SH3RF1: variants seen among roughly 807,000 people sequenced by gnomAD.
The protein encoded by SH3RF1 is SH3 domain containing ring finger 1, also known as E3 ubiquitin-protein ligase SH3RF1.
A neutral mutation model predicts 74.0 loss-of-function variants in SH3RF1; 32 were observed. That is an observed-to-expected ratio of 0.43 (90% CI 0.33 to 0.58). The LOEUF (loss-of-function observed/expected upper bound fraction) is 0.58. Among genes scored for constraint, SH3RF1 ranks in the 20% least tolerant of loss-of-function variants. The pLI, the probability that SH3RF1 is intolerant of heterozygous loss-of-function variation, is 0.05. For missense variants in SH3RF1, 954 were observed against 1,130.9 expected (o/e 0.84, Z 2.24); for synonymous variants, 396 against 439.6 (o/e 0.90, Z 1.24).
At chr4:169,154,349 T>A (rs573627065) in intron 4 of SH3RF1, among the ~76,000 whole-genome samples, 2 of 152,314 alleles carry the variant, frequency 1.3e-5, no homozygotes, top group East Asian at 3.9e-4. Flanking sequence ...ACGTTGGCAA[T>A]CTCACTCTCT....
At chr4:169,114,226 TC>T (rs1266526707) in intron 10 of SH3RF1, among the ~76,000 whole-genome samples, 1 of 152,146 alleles carries the variant, frequency 6.6e-6, no homozygotes, top group Non-Finnish European at 1.5e-5. Flanking sequence ...AAGAATCTGT[TC>T]CCTTGTCTTT....
chr4:169,229,672 T>C (rs1730703533), intron 2 of SH3RF1, among the ~76,000 whole-genome samples: 1 of 152,180 alleles, frequency 6.6e-6, no homozygotes, highest in Admixed American at 6.5e-5. Flanking sequence ...AATACTAATG[T>C]AGAGCATATC....
chr4:169,144,013 A>G (rs1375323024), intron 4 of SH3RF1, among the ~76,000 whole-genome samples: 1 of 152,200 alleles, frequency 6.6e-6, no homozygotes, highest in East Asian at 1.9e-4. Flanking sequence ...TTTAGGTTAG[A>G]GTTAGGTCTT....
chr4:169,248,782 G>C (rs904908668), intron 2 of SH3RF1, among the ~76,000 whole-genome samples: 4 of 152,184 alleles, frequency 2.6e-5, no homozygotes, highest in African/African-American at 7.2e-5. Flanking sequence ...AGACAACAAA[G>C]GCTACTCCAG....
rs1401307090 is a variant in SH3RF1 at position 169,156,592 on chromosome 4, T to C, written c.481A>G (p.Ile161Val). ...TCATCCACTTGTCTTCGCAAAATGA[T>C]GATGTCACCTTTGCTGAATTTAAGG... ...GDLKFSKGDI[I>V]ILRRQVDENW... The change falls in exon 3 of 12, where the codon ATC (isoleucine) becomes GTC (valine). Residue 161 changes from isoleucine (I) to valine (V), a missense_variant. Physicochemically the swap from Ile to Val is conservative, Grantham distance 29 (BLOSUM62 3). This residue lies in a region of SH3RF1 where 854 missense variants were observed against 962.5 expected (regional missense o/e 0.89). Coordinates refer to ENST00000284637, the MANE Select transcript of SH3RF1 (RefSeq NM_020870.4). 1 of 1,614,096 alleles carries C rather than the reference T, an allele frequency of 6.2e-7. No homozygotes were observed.
chr4:169,197,254 A>G (rs1579131944), intron 2 of SH3RF1, among the ~76,000 whole-genome samples: 4 of 152,140 alleles, frequency 2.6e-5, no homozygotes, highest in East Asian at 1.9e-4. Flanking sequence ...CACGTGCCTC[A>G]GCCACCCAAA....
chr4:169,133,821 CAT>C (rs1412668697), intron 5 of SH3RF1, among the ~76,000 whole-genome samples: 1 of 152,020 alleles, frequency 6.6e-6, no homozygotes, highest in African/African-American at 2.4e-5. Context: ...CAAAGGTTAA[CAT>C]GTGTAAGGAA....
intron 6 of SH3RF1, among the ~76,000 whole-genome samples, chr4:169,123,333 A>C (rs1409333760): frequency 1.3e-5 from 2 of 152,226 alleles, no homozygotes; most frequent in African/African-American, 4.8e-5. Flanking sequence ...AAACATAACG[A>C]ACTGAGTGGA....
At chr4:169,241,997 A>C (rs182786955) in intron 2 of SH3RF1, among the ~76,000 whole-genome samples, 91 of 152,350 alleles carry the variant, frequency 6.0e-4, no homozygotes, top group Non-Finnish European at 9.8e-4. Context: ...GATTTTAAAC[A>C]AAATCTGAAA....
At chr4:169,130,690 G>A (rs536227418) in intron 5 of SH3RF1, among the ~76,000 whole-genome samples, 4 of 152,226 alleles carry the variant, frequency 2.6e-5, no homozygotes, top group Admixed American at 2.0e-4. Flanking sequence ...TGCTTAGAGC[G>A]GGCAATTACT....
In SH3RF1 at chr4:169,120,839, A is replaced by T. The variant is rs1733424724; in HGVS notation, c.1497T>A (p.Asn499Lys). 1.2e-6 allele frequency: 2 copies of T among 1,614,174 alleles called. No homozygotes were observed. Among genetic ancestry groups the T allele is most frequent in the Non-Finnish European group, 1.7e-6 (2 of 1,180,034 alleles). Residue 499 changes from asparagine (N) to lysine (K), a missense_variant, in exon 8 of 12, where the codon AAT becomes AAA. Coordinates refer to ENST00000284637, the MANE Select transcript of SH3RF1 (RefSeq NM_020870.4). ...CATACCTTGTGACTGGTGCCACATA[A>T]TTGCCAGGGAAAACCCCTATCTTGC... is the stretch of plus-strand genomic sequence containing the variant. The part of the protein sequence containing the change: ...HTSKIGVFPG[N>K]YVAPVTRAVT...
intron 2 of SH3RF1, among the ~76,000 whole-genome samples, chr4:169,209,971 T>G (rs1730331404): frequency 6.6e-6 from 1 of 151,976 alleles, no homozygotes; most frequent in African/African-American, 2.4e-5. Flanking sequence ...TGTATTTGTG[T>G]TTTTTTGTAG....
At chr4:169,259,988 T>C (rs1264593465) in intron 2 of SH3RF1, among the ~76,000 whole-genome samples, 1 of 152,230 alleles carries the variant, frequency 6.6e-6, no homozygotes, top group African/African-American at 2.4e-5. Context: ...GTCTTGGGTT[T>C]GCTTAAACTA....
chr4:169,165,933 C>T (rs1246117400), intron 2 of SH3RF1, among the ~76,000 whole-genome samples: 4 of 151,980 alleles, frequency 2.6e-5, no homozygotes, highest in African/African-American at 7.3e-5. Flanking sequence ...ATCTTGAGCC[C>T]CTACCTCACA....
At chr4:169,255,155 GA>G (rs1470874087) in intron 2 of SH3RF1, among the ~76,000 whole-genome samples, 1 of 152,144 alleles carries the variant, frequency 6.6e-6, no homozygotes, top group African/African-American at 2.4e-5. Context: ...AAACCCAGTA[GA>G]TGACCATTTT....
intron 1 of SH3RF1, chr4:169,270,022 G>T (rs1017526444): frequency 5.3e-5 from 8 of 152,250 alleles, no homozygotes; most frequent in Non-Finnish European, 1.0e-4. Flanking sequence ...ATCACCAAAA[G>T]AATTCGACAA....
At chr4:169,124,281 C>T (rs1733489326) in intron 6 of SH3RF1, among the ~76,000 whole-genome samples, 1 of 152,160 alleles carries the variant, frequency 6.6e-6, no homozygotes, top group South Asian at 2.1e-4. Context: ...TTTATTAAAA[C>T]AGAGGCTGTA....
chr4:169,250,160 T>C (rs572049275), intron 2 of SH3RF1, among the ~76,000 whole-genome samples: 9 of 152,332 alleles, frequency 5.9e-5, no homozygotes, highest in African/African-American at 2.2e-4. Context: ...AAAGCATTCC[T>C]TTCCATGCTC....
intron 2 of SH3RF1, among the ~76,000 whole-genome samples, chr4:169,191,661 A>G (rs562500064): frequency 2.9e-4 from 44 of 152,200 alleles, no homozygotes; most frequent in Non-Finnish European, 5.6e-4. Context: ...AGCCATAGTC[A>G]CCACAATAGC....
Sources: allele counts gnomAD v4.1 joint callset (sites outside exome capture counted in the v4.1 genomes callset), GRCh38; gene constraint gnomAD v4.1.1; regional missense constraint gnomAD v4.1.1; transcripts MANE v1.5; gene names NCBI Gene and HGNC (gene_info 2026-07-23, HGNC 2026-07-21).